The following ZBTB17 variants were observed in gnomAD, a reference collection of about 807,000 sequenced individuals.
ZBTB17 encodes the protein zinc finger and BTB domain-containing protein 17.
In ZBTB17, 24 loss-of-function variants were observed where a neutral mutation model predicts 85.1. The observed-to-expected ratio is 0.28, with a 90% CI of 0.20 to 0.40. ZBTB17 has a LOEUF of 0.40. Ranked by LOEUF, ZBTB17 falls within the 10% of genes least tolerant of loss-of-function variation. The probability of loss-of-function intolerance (pLI) is 1.00; values close to 1 mark genes in which losing one functional copy is unlikely to be tolerated. For synonymous variants in ZBTB17, 464 were observed against 460.2 expected (o/e 1.01, Z -0.11); for missense variants, 743 against 1,105.1 (o/e 0.67, Z 4.65).
At position 15,958,757 on chromosome 1, in the gene ZBTB17, G is replaced by A. The variant is rs555262108; in HGVS notation, c.-2-10260C>T. On this transcript the variant is annotated intron_variant, in intron 2 of 15. Coordinates refer to ENST00000375743, the MANE Select transcript of ZBTB17 (RefSeq NM_003443.3). Reference sequence around the variant, plus strand: ...GACGTGACCACACCTAAAGACAGACGAAGGCAAGAAAGACCTTTGGGCAGG... The same window carrying A: ...GACGTGACCACACCTAAAGACAGACAAAGGCAAGAAAGACCTTTGGGCAGG... Among the ~76,000 whole-genome samples the A allele has an allele frequency of 3.2e-4, 49 of 152,322 alleles. 1 individual carries two copies. The highest frequency in any genetic ancestry group is 8.3e-4 in the South Asian group (4 of 4,828).
chr1:15,950,862 T>C (rs1296613421), intron 2 of ZBTB17, among the ~76,000 whole-genome samples: 1 of 152,192 alleles, frequency 6.6e-6, no homozygotes, highest in African/African-American at 2.4e-5. Flanking sequence ...TGAGCCTCCC[T>C]GTGGCCATGT....
At position 15,943,382 on chromosome 1, in the gene ZBTB17, G is replaced by C. The variant is rs2071441002; in HGVS notation, c.1697+17C>G. The C allele has an allele frequency of 1.3e-6, 2 of 1,585,258 alleles. No individual in the cohort carries two copies. The highest frequency in any genetic ancestry group is 2.7e-5 in the African/African-American group (2 of 74,682). The stretch of plus-strand genomic sequence containing the variant: ...TGTGGGGTGTCTGGCCAGTGGGTGT[G>C]GGGGAGGGGGCAGGACCTCTTGCCG... On this transcript the variant is annotated intron_variant, in intron 12 of 15. Coordinates refer to ENST00000375743, the MANE Select transcript of ZBTB17 (RefSeq NM_003443.3).
chr1:15,946,066 A>C, intron 5 of ZBTB17, 88 bp downstream of exon 5: 1 of 1,593,696 alleles, frequency 6.3e-7, no homozygotes, highest in Non-Finnish European at 8.5e-7. Context: ...TGCCCGTGCT[A>C]CCTGCCCCAA....
intron 2 of ZBTB17, among the ~76,000 whole-genome samples, chr1:15,960,139 C>T (rs2072205536): frequency 6.6e-6 from 1 of 152,224 alleles, no homozygotes; most frequent in Non-Finnish European, 1.5e-5. Context: ...CTGTGGGGGG[C>T]TTGCTGCTCC....
In ZBTB17 at chr1:15,966,919, T is replaced by TA. The variant is rs1441256243; in HGVS notation, c.-3+6119dup. Among the ~76,000 whole-genome samples, 5 of 150,478 alleles carry TA rather than the reference T, an allele frequency of 3.3e-5. No individual in the cohort carries two copies. The highest frequency in any genetic ancestry group is 5.9e-5 in the Non-Finnish European group (4 of 67,786). ...CGAGACCCTGTCTCAAAAATTAAATTAATTAATTAATTAATTAAAAAACAA... is the reference window on the plus strand; with the variant it reads ...CGAGACCCTGTCTCAAAAATTAAATTAAATTAATTAATTAATTAAAAAACAA... On this transcript the variant is annotated intron_variant, in intron 2 of 15. Coordinates refer to ENST00000375743, the MANE Select transcript of ZBTB17 (RefSeq NM_003443.3). The surrounding 1 kb of genome is among the most constrained non-coding windows in gnomAD (Gnocchi z 4.1).
intron 2 of ZBTB17, among the ~76,000 whole-genome samples, chr1:15,967,421 A>G (rs530242568): frequency 3.7e-4 from 56 of 150,296 alleles, no homozygotes; most frequent in Non-Finnish European, 6.8e-4. Context: ...GTTCAAGCCT[A>G]TAATACCAGC....
chr1:15,964,870 CTT>C lies in ZBTB17; in HGVS notation c.-3+8167_-3+8168del, dbSNP rs2072384451. On this transcript the variant is annotated intron_variant, in intron 2 of 15. Transcript: ENST00000375743. This position sits in a 1 kb window ranked among gnomAD's most constrained non-coding sequence, Gnocchi z 4.3. ...GTGGCTCACGCCTATAATCCCAGCA[CTT>C]TGGGAGGCCGAGATGGGTGGATCAT... 6.6e-6 allele frequency among the ~76,000 whole-genome samples: 1 copy of C among 152,116 alleles called. No individual in the cohort carries two copies. Among genetic ancestry groups the C allele is most frequent in the South Asian group, 2.1e-4 (1 of 4,824 alleles).
Position 15,942,717 on chromosome 1 carries a change from T to C in ZBTB17, c.1850A>G (p.Asp617Gly). Residue 617 changes from aspartate (D) to glycine (G), a missense_variant, in exon 14 of 16, where the codon GAT becomes GGT. Physicochemically the swap from Asp to Gly is moderately conservative, Grantham distance 94 (BLOSUM62 -1). This residue lies in a region of ZBTB17 where 321 missense variants were observed against 615.7 expected (regional missense o/e 0.52). Coordinates refer to ENST00000375743, the MANE Select transcript of ZBTB17 (RefSeq NM_003443.3). ...CCGGTTGAAGCCACGCCCACACTTA[T>C]CACACAGGTAAGGCTTCTCTCCTGG... ...IHTGEKPYLC[D>G]KCGRGFNRVD... 1.2e-6 allele frequency: 2 copies of C among 1,613,528 alleles called. No homozygotes were observed. The highest frequency in any genetic ancestry group is 1.7e-6 in the Non-Finnish European group (2 of 1,180,026).
chr1:15,943,985 C>T (rs772792573), intron 9 of ZBTB17, 90 bp from the exon 10 acceptor site: 2 of 1,314,360 alleles, frequency 1.5e-6, no homozygotes, highest in Non-Finnish European at 1.1e-6. Flanking sequence ...ACAATTGACT[C>T]TCAGGCTTGC....
intron 1 of ZBTB17, among the ~76,000 whole-genome samples, chr1:15,975,054 T>C (rs1328712371): frequency 1.3e-5 from 2 of 152,220 alleles, no homozygotes; most frequent in African/African-American, 4.8e-5. Context: ...GGCTGAGTGA[T>C]GTGTCTCTAC....
chr1:15,945,891 C>G, intron 5 of ZBTB17, 51 bp from the exon 6 acceptor site: 5 of 1,567,026 alleles, frequency 3.2e-6, no homozygotes, highest in Non-Finnish European at 4.3e-6. Flanking sequence ...GCCCAGGGGT[C>G]GGATACCTCT....
Position 15,966,330 on chromosome 1 carries a change from G to A in ZBTB17, c.-3+6709C>T, listed in dbSNP as rs138601504. On this transcript the variant is annotated intron_variant, in intron 2 of 15. Transcript: ENST00000375743. The surrounding 1 kb of genome is among the most constrained non-coding windows in gnomAD (Gnocchi z 4.1). ...TAAGTTCCAGTATAGGAAGTGGTGCGGCTGGGGTGGGGAGAACAGATTCTA... is the reference window on the plus strand; with the variant it reads ...TAAGTTCCAGTATAGGAAGTGGTGCAGCTGGGGTGGGGAGAACAGATTCTA... Among the ~76,000 whole-genome samples, 2 of 152,266 alleles carry A rather than the reference G, an allele frequency of 1.3e-5. No individual in the cohort carries two copies. Among genetic ancestry groups the A allele is most frequent in the African/African-American group, 4.8e-5 (2 of 41,548 alleles).
At chr1:15,975,958 GC>G in intron 1 of ZBTB17, 24 bp downstream of exon 1, 1 of 699,116 alleles carries the variant, frequency 1.4e-6, no homozygotes, top group Non-Finnish European at 2.6e-6. Context: ...GACTTCCCCG[GC>G]CCCGGGCGAT....
At chr1:15,943,223 G>A (rs1044319202) in intron 12 of ZBTB17, 29 bp from the exon 13 acceptor site, 5 of 1,613,922 alleles carry the variant, frequency 3.1e-6, no homozygotes, top group Non-Finnish European at 3.4e-6. Flanking sequence ...GGACTCGCAT[G>A]GAACTGCCCC....
intron 1 of ZBTB17, 101 bp downstream of exon 1, chr1:15,975,882 C>T (rs2072862305): frequency 1.5e-6 from 1 of 674,070 alleles, no homozygotes; most frequent in Non-Finnish European, 2.7e-6. Flanking sequence ...CCCTCCCCTC[C>T]CCCACACAAC....
intron 2 of ZBTB17, among the ~76,000 whole-genome samples, chr1:15,956,975 T>G (rs1248449450): frequency 6.6e-6 from 1 of 151,692 alleles, no homozygotes; most frequent in Non-Finnish European, 1.5e-5. Flanking sequence ...GGTCAGGAGT[T>G]CAAGACCAGC....
intron 3 of ZBTB17, 86 bp from the exon 4 acceptor site, chr1:15,947,209 GCAGGGATTTAGGAA>G: frequency 7.2e-7 from 1 of 1,389,230 alleles, no homozygotes; most frequent in Non-Finnish European, 9.8e-7. Flanking sequence ...GCAGCAGGAC[GCAGGGATTTAGGAA>G]CAGCTGAGTG....
chr1:15,945,103 CCCT>C lies in ZBTB17; in HGVS notation c.758_760del (p.Glu253del). 6.2e-7 allele frequency: 1 copy of C among 1,610,344 alleles called. No individual in the cohort carries two copies. The highest frequency in any genetic ancestry group is 8.5e-7 in the Non-Finnish European group (1 of 1,178,616). ...GGCCTCTCCGTTCTCCAGCTGGGAA[CCCT>C]CCTCCTTGACCTCAGCTGGCCCTGC... On this transcript the variant is annotated inframe_deletion, in exon 7 of 16. Transcript: ENST00000375743.
chr1:15,946,015 C>A, intron 5 of ZBTB17, 139 bp downstream of exon 5: 1 of 1,553,692 alleles, frequency 6.4e-7, no homozygotes, highest in Non-Finnish European at 8.8e-7. Context: ...CTGGAACACA[C>A]AATAGGTCAT....
Sources: gnomAD v4.1 joint callset for allele counts (sites outside exome capture counted in the v4.1 genomes callset) on GRCh38, gnomAD v4.1.1 for gene constraint, gnomAD v4.1.1 regional missense constraint, Gnocchi (gnomAD v3.1) non-coding constraint, MANE v1.5 for transcripts, NCBI Gene and HGNC (gene_info 2026-07-23, HGNC 2026-07-21) for gene names.